The following MAGI2 variants were observed in gnomAD, a reference collection of about 807,000 sequenced individuals.
The protein encoded by MAGI2 is membrane associated guanylate kinase, WW and PDZ domain containing 2.
Under a neutral mutation model 133.3 loss-of-function variants are expected in MAGI2, and 35 were observed. That is an observed-to-expected ratio of 0.26 (90% CI 0.20 to 0.35). The LOEUF is 0.35. MAGI2 is among the 10% of genes least tolerant of loss of function. The pLI is 1.00. For missense variants in MAGI2, 1,636 were observed against 1,863.4 expected, an observed-to-expected ratio of 0.88 and a Z score of 2.25; for synonymous variants, 729 against 710.6, an observed-to-expected ratio of 1.03 and a Z score of -0.41.
intron 9 of MAGI2, among the ~76,000 whole-genome samples, chr7:78,318,445 C>T (rs193267093): frequency 3.3e-4 from 50 of 151,524 alleles, no homozygotes; most frequent in Admixed American, 1.9e-3. Flanking sequence ...AAAGGAACAA[C>T]GATTCCAAGA....
At chr7:79,400,857 A>G (rs748860695) in intron 1 of MAGI2, among the ~76,000 whole-genome samples, 8 of 152,056 alleles carry the variant, frequency 5.3e-5, no homozygotes, top group Non-Finnish European at 1.0e-4. Context: ...AGCTATCCTG[A>G]TGTTGAGCAG....
At chr7:78,304,839 G>A (rs190235926) in intron 9 of MAGI2, among the ~76,000 whole-genome samples, 4 of 152,218 alleles carry the variant, frequency 2.6e-5, no homozygotes, top group Non-Finnish European at 4.4e-5. Flanking sequence ...AGTGAGCCTC[G>A]TGAATATCTC....
At position 78,884,403 on chromosome 7, in the gene MAGI2, G is replaced by A. The variant is rs146372398; in HGVS notation, c.418+122687C>T. On this transcript the variant is annotated intron_variant, in intron 2 of 21. Coordinates refer to ENST00000354212, the MANE Select transcript of MAGI2 (RefSeq NM_012301.4). ...AGAGGCTGAGGTGGGAGGATTACTT[G>A]AGTCTGGGAGGTCGAGGCTGCAGTG... Among the ~76,000 whole-genome samples, 508 of 152,286 alleles carry A rather than the reference G, an allele frequency of 3.3e-3. 9 individuals carry two copies. In the South Asian group the frequency reaches 0.04, roughly 12 times the overall value.
chr7:79,003,702 A>C (rs1309268173), intron 2 of MAGI2, among the ~76,000 whole-genome samples: 1 of 152,202 alleles, frequency 6.6e-6, no homozygotes, highest in East Asian at 1.9e-4. Context: ...CCCTTTCTGA[A>C]CATATTTGAA....
intron 1 of MAGI2, among the ~76,000 whole-genome samples, chr7:79,265,874 C>T (rs1456226408): frequency 1.3e-5 from 2 of 152,008 alleles, no homozygotes; most frequent in African/African-American, 4.8e-5. Flanking sequence ...TTTTCCTAAC[C>T]AATTTTATTC....
At chr7:78,768,552 C>A (rs1207863) in intron 2 of MAGI2, among the ~76,000 whole-genome samples, 3 of 152,096 alleles carry the variant, frequency 2.0e-5, no homozygotes, top group Admixed American at 2.0e-4. Flanking sequence ...AAGGTGCTCA[C>A]GATGAAAACC....
intron 2 of MAGI2, among the ~76,000 whole-genome samples, chr7:78,995,989 A>T (rs1806272804): frequency 1.3e-5 from 2 of 152,178 alleles, no homozygotes; most frequent in South Asian, 4.1e-4. Context: ...ATTCAATGAG[A>T]TAATATCTGA....
At chr7:78,433,776 C>T (rs1375638512) in intron 6 of MAGI2, among the ~76,000 whole-genome samples, 1 of 152,084 alleles carries the variant, frequency 6.6e-6, no homozygotes, top group Admixed American at 6.6e-5. Flanking sequence ...AAATTTTATT[C>T]TGATTCTCTT....
chr7:79,213,254 G>A (rs1359896581), intron 1 of MAGI2, among the ~76,000 whole-genome samples: 1 of 139,758 alleles, frequency 7.2e-6, no homozygotes, highest in Non-Finnish European at 1.6e-5. Flanking sequence ...ATGTGGGTGT[G>A]TATATATATA....
chr7:78,727,159 GA>G (rs2151215124), intron 2 of MAGI2, among the ~76,000 whole-genome samples: 1 of 152,230 alleles, frequency 6.6e-6, no homozygotes, highest in South Asian at 2.1e-4. Flanking sequence ...AAACAGAGGA[GA>G]AAAAGCAATG....
At chr7:78,837,792 T>C (rs1791776511) in intron 2 of MAGI2, among the ~76,000 whole-genome samples, 1 of 152,158 alleles carries the variant, frequency 6.6e-6, no homozygotes. Flanking sequence ...CTTAATTTTG[T>C]GTTACTACCT....
chr7:78,032,334 C>T (rs1809675370), intron 21 of MAGI2, among the ~76,000 whole-genome samples: 1 of 152,178 alleles, frequency 6.6e-6, no homozygotes, highest in Admixed American at 6.5e-5. Flanking sequence ...CCTGCCTCAG[C>T]CTCCCGAGTA....
chr7:78,760,402 G>A (rs149017572), intron 2 of MAGI2, among the ~76,000 whole-genome samples: 1,254 of 100,904 alleles, frequency 0.012, 24 homozygotes, highest in African/African-American at 0.043. Context: ...TGCTCTTGTT[G>A]CCCAGGCTGG....
At chr7:79,262,893 C>T (rs982454535) in intron 1 of MAGI2, among the ~76,000 whole-genome samples, 1 of 152,138 alleles carries the variant, frequency 6.6e-6, no homozygotes, top group Non-Finnish European at 1.5e-5. Flanking sequence ...TTGAGAGGTG[C>T]CTTTTCAAAA....
chr7:78,975,414 G>C (rs374140414), intron 2 of MAGI2, among the ~76,000 whole-genome samples: 4 of 151,738 alleles, frequency 2.6e-5, no homozygotes, highest in African/African-American at 9.6e-5. Flanking sequence ...ACAACACACT[G>C]CTACATAATA....
chr7:78,557,080 C>CAAAAAAAAAAAAAAAAAAA lies in MAGI2; in HGVS notation c.539-35454_539-35436dup, dbSNP rs796371005. On this transcript the variant is annotated intron_variant, in intron 3 of 21. Transcript: ENST00000354212. ...TACTCCAGCCTGGGTGGCAGAGTCT[C>CAAAAAAAAAAAAAAAAAAA]AAAAAAAAAAAAAAAAAAAAGAAAA... Among the ~76,000 whole-genome samples the CAAAAAAAAAAAAAAAAAAA allele has an allele frequency of 3.1e-3, 126 of 40,844 alleles. 1 individual carries two copies. The highest frequency in any genetic ancestry group is 0.015 in the Middle Eastern group (1 of 66). The allele number at this position is 40,844 out of a possible 152,430, so 26.8% of individuals were successfully genotyped here.
intron 21 of MAGI2, among the ~76,000 whole-genome samples, chr7:78,028,915 A>C (rs73703875): frequency 0.046 from 6,965 of 151,522 alleles, 539 homozygotes; most frequent in African/African-American, 0.15. Flanking sequence ...GGAAACTGAG[A>C]GGTAGATAAA....
chr7:79,107,675 T>C (rs1167537721), intron 1 of MAGI2, among the ~76,000 whole-genome samples: 3 of 152,208 alleles, frequency 2.0e-5, no homozygotes, highest in Non-Finnish European at 4.4e-5. Context: ...ATACTCCATT[T>C]GGTAATCTCT....
chr7:78,802,636 A>T (rs1388639195), intron 2 of MAGI2, among the ~76,000 whole-genome samples: 1 of 152,174 alleles, frequency 6.6e-6, no homozygotes, highest in Non-Finnish European at 1.5e-5. Flanking sequence ...GATTCATGAC[A>T]TTAAAATATG....
Sources: gnomAD v4.1 joint callset for allele counts (sites outside exome capture counted in the v4.1 genomes callset) on GRCh38, gnomAD v4.1.1 for gene constraint, MANE v1.5 for transcripts, NCBI Gene and HGNC (gene_info 2026-07-23, HGNC 2026-07-21) for gene names.